The following ARL15 variants were observed in gnomAD, a reference collection of about 807,000 sequenced individuals.
ARL15 encodes ADP-ribosylation factor-like protein 15.
Under a neutral mutation model 25.2 loss-of-function variants are expected in ARL15, and 19 were observed. The ratio of observed to expected loss-of-function variants is 0.75; its 90% confidence interval spans 0.53 to 1.10. The LOEUF (loss-of-function observed/expected upper bound fraction) is 1.10. Among genes scored for constraint, ARL15 ranks in the 50% least tolerant of loss-of-function variants. The pLI, the probability that ARL15 is intolerant of heterozygous loss-of-function variation, is 0.00. For missense variants in ARL15, 220 were observed against 246.0 expected, an observed-to-expected ratio of 0.89 and a Z score of 0.71; for synonymous variants, 94 against 86.8, an observed-to-expected ratio of 1.08 and a Z score of -0.46.
chr5:54,280,703 T>C (rs537449368), intron 1 of ARL15, among the ~76,000 whole-genome samples: 1 of 152,240 alleles, frequency 6.6e-6, no homozygotes, highest in South Asian at 2.1e-4. Flanking sequence ...TGTTCTTCTG[T>C]ACGAAGCAGA....
At chr5:53,968,144 A>T (rs1276886562) in intron 4 of ARL15, among the ~76,000 whole-genome samples, 1 of 152,196 alleles carries the variant, frequency 6.6e-6, no homozygotes, top group Non-Finnish European at 1.5e-5. Context: ...CTTTAATATA[A>T]GAGAGAGTTA....
chr5:54,159,802 G>C (rs1296262340), intron 2 of ARL15, among the ~76,000 whole-genome samples: 1 of 152,198 alleles, frequency 6.6e-6, no homozygotes, highest in Non-Finnish European at 1.5e-5. Context: ...TAGCCTTTCA[G>C]TCTTTGTTTT....
intron 4 of ARL15, among the ~76,000 whole-genome samples, chr5:54,095,144 T>C (rs1752246401): frequency 6.6e-6 from 1 of 152,176 alleles, no homozygotes; most frequent in African/African-American, 2.4e-5. Flanking sequence ...TATGAGTTGA[T>C]CTAAAATCTC....
At chr5:54,211,914 G>A (rs534985905) in intron 1 of ARL15, among the ~76,000 whole-genome samples, 1 of 152,188 alleles carries the variant, frequency 6.6e-6, no homozygotes, top group Non-Finnish European at 1.5e-5. Context: ...CCAGAAAAGA[G>A]TAATTTGAGT....
intron 1 of ARL15, among the ~76,000 whole-genome samples, chr5:54,285,030 A>T (rs1758151208): frequency 6.6e-6 from 1 of 152,248 alleles, no homozygotes; most frequent in Non-Finnish European, 1.5e-5. Context: ...GACATAAGGC[A>T]TAACTTGGAA....
intron 1 of ARL15, chr5:54,282,126 C>T (rs185687125): frequency 1.5e-4 from 58 of 396,662 alleles, no homozygotes; most frequent in Middle Eastern, 2.4e-3. Context: ...TCATGTTCAG[C>T]TTTATTGCTT....
At chr5:54,188,045 A>G (rs1214274106) in intron 1 of ARL15, among the ~76,000 whole-genome samples, 1 of 152,218 alleles carries the variant, frequency 6.6e-6, no homozygotes, top group Non-Finnish European at 1.5e-5. Flanking sequence ...TAAGTAAGGT[A>G]CAATCCCTCA....
At chr5:54,087,538 G>GA (rs1752006851) in intron 4 of ARL15, among the ~76,000 whole-genome samples, 1 of 152,058 alleles carries the variant, frequency 6.6e-6, no homozygotes, top group Non-Finnish European at 1.5e-5. Flanking sequence ...CTCTGGTTTG[G>GA]ATAGCTAAAA....
At chr5:54,056,865 G>A (rs1408108374) in intron 4 of ARL15, among the ~76,000 whole-genome samples, 1 of 151,964 alleles carries the variant, frequency 6.6e-6, no homozygotes, top group Admixed American at 6.6e-5. Flanking sequence ...CTGAGTATAC[G>A]GGGGAGCACA....
intron 1 of ARL15, among the ~76,000 whole-genome samples, chr5:54,223,200 T>A (rs1280915373): frequency 6.6e-6 from 1 of 150,920 alleles, no homozygotes; most frequent in Non-Finnish European, 1.5e-5. Flanking sequence ...CACTAAACCA[T>A]CCTCCCACCA....
chr5:53,899,770 T>C (rs1745003352), intron 4 of ARL15, among the ~76,000 whole-genome samples: 1 of 152,244 alleles, frequency 6.6e-6, no homozygotes, highest in Admixed American at 6.5e-5. Context: ...TCACATTTTG[T>C]TTCTGTATTC....
At chr5:54,049,965 G>A (rs156835) in intron 4 of ARL15, among the ~76,000 whole-genome samples, 52,845 of 151,912 alleles carry the variant, frequency 0.35, 11,311 homozygotes, top group Admixed American at 0.47. Flanking sequence ...CCATTTGTTG[G>A]AGCAGATCAT....
At chr5:54,117,490 C>T (rs1201207139) in intron 3 of ARL15, among the ~76,000 whole-genome samples, 1 of 151,830 alleles carries the variant, frequency 6.6e-6, no homozygotes, top group East Asian at 1.9e-4. Context: ...GTGAAAAGAT[C>T]CTTTTCTTTA....
chr5:54,282,242 G>A (rs976746312), intron 1 of ARL15: 1 of 985,178 alleles, frequency 1.0e-6, no homozygotes, highest in Non-Finnish European at 1.2e-6. Context: ...TTCACAACAT[G>A]TGGTACCACA....
intron 4 of ARL15, among the ~76,000 whole-genome samples, chr5:53,910,440 C>T (rs372288792): frequency 6.6e-5 from 10 of 151,772 alleles, no homozygotes; most frequent in Non-Finnish European, 1.2e-4. Context: ...TTCAAAACTA[C>T]GCTTACTATA....
intron 1 of ARL15, among the ~76,000 whole-genome samples, chr5:54,244,234 T>C (rs975145027): frequency 2.6e-5 from 4 of 152,334 alleles, no homozygotes; most frequent in South Asian, 4.1e-4. Flanking sequence ...ACCCACTACC[T>C]GTACTATTCA....
At chr5:54,171,719 CACAGGAA>C (rs2112400830) in intron 2 of ARL15, 58 bp downstream of exon 2, 1 of 1,514,496 alleles carries the variant, frequency 6.6e-7, no homozygotes, top group Admixed American at 2.0e-5. Flanking sequence ...GGATAAATTG[CACAGGAA>C]ACTAGGACAT....
rs1355471930 is a variant in ARL15 at position 53,884,738 on chromosome 5, T to C, written c.*1823A>G. The C allele has an allele frequency of 6.6e-6, 1 of 152,350 alleles. No homozygotes were observed. The highest frequency in any genetic ancestry group is 2.4e-5 in the African/African-American group (1 of 41,344). 9.4% of individuals were successfully genotyped at this position (152,350 alleles called of 1,614,324 possible). A position where few individuals can be genotyped will look rare whatever the true frequency, so the allele number is the denominator to read the frequency against. On this transcript the variant is annotated 3_prime_UTR_variant, in exon 5 of 5. Transcript: ENST00000504924. ...TTAGGAGCACTCAGCCACGGTGTCT[T>C]AAAAAGACAACATTCTACATTTAAT...
At chr5:54,091,438 G>A (rs1752125231) in intron 4 of ARL15, among the ~76,000 whole-genome samples, 1 of 152,134 alleles carries the variant, frequency 6.6e-6, no homozygotes, top group African/African-American at 2.4e-5. Context: ...TAGCTTAGAA[G>A]TCTCCTATAA....
Sources: allele counts gnomAD v4.1 joint callset (sites outside exome capture counted in the v4.1 genomes callset), GRCh38; gene constraint gnomAD v4.1.1; transcripts MANE v1.5; gene names NCBI Gene and HGNC (gene_info 2026-07-23, HGNC 2026-07-21).